KIRREL3: variants seen among roughly 807,000 people sequenced by gnomAD.
The protein encoded by KIRREL3 is kirre like nephrin family adhesion molecule 3, also known as kin of IRRE-like protein 3.
KIRREL3 carries 36 observed loss-of-function variants against 89.7 expected under a neutral mutation model. The ratio of observed to expected loss-of-function variants is 0.40; its 90% CI spans 0.31 to 0.53. The LOEUF is 0.53. Among genes scored for constraint, KIRREL3 ranks in the 20% least tolerant of loss-of-function variants. KIRREL3 has a pLI of 0.49. For missense variants in KIRREL3, 864 were observed against 1,056.6 expected (o/e 0.82, Z 2.53); for synonymous variants, 445 against 441.4 (o/e 1.01, Z -0.10).
At position 126,530,075 on chromosome 11, in the gene KIRREL3, C is replaced by T. The variant is rs562859146; in HGVS notation, c.134-3388G>A. Among the ~76,000 whole-genome samples the T allele has an allele frequency of 6.6e-6, 1 of 151,976 alleles. No individual in the cohort carries two copies. The highest frequency in any genetic ancestry group is 2.4e-5 in the African/African-American group (1 of 41,450). On this transcript the variant is annotated intron_variant, in intron 2 of 16. Transcript: ENST00000525144. The surrounding 1 kb of genome is among the most constrained non-coding windows in gnomAD (Gnocchi z 5.8). ...TGTAAGTTATTGCCAGAAGAATGCT[C>T]CTCACCCACCCACTCTTTCTTTTCT...
chr11:126,510,026 GA>G (rs1243459581), intron 4 of KIRREL3, among the ~76,000 whole-genome samples: 13 of 112,136 alleles, frequency 1.2e-4, no homozygotes, highest in African/African-American at 4.0e-4. Context: ...AAAGAAAAAA[GA>G]AAAAAAGAAA....
intron 1 of KIRREL3, among the ~76,000 whole-genome samples, chr11:126,759,393 G>C (rs1287282841): frequency 2.0e-5 from 3 of 152,212 alleles, no homozygotes; most frequent in Non-Finnish European, 4.4e-5. Flanking sequence ...CTCCCAAAGT[G>C]CTGGGATTAC....
chr11:126,585,881 G>A (rs1941824873), intron 1 of KIRREL3, among the ~76,000 whole-genome samples: 1 of 152,256 alleles, frequency 6.6e-6, no homozygotes, highest in South Asian at 2.1e-4. Flanking sequence ...CGTGATTGGA[G>A]TTGGGCTTCA....
intron 1 of KIRREL3, among the ~76,000 whole-genome samples, chr11:126,745,506 AAC>A (rs1427939143): frequency 6.7e-6 from 1 of 150,268 alleles, no homozygotes. Flanking sequence ...AAAAAAAAAA[AAC>A]AAAACCCAAA....
chr11:126,490,204 G>A lies in KIRREL3; in HGVS notation c.434-16738C>T, dbSNP rs1332580690. On this transcript the variant is annotated intron_variant, in intron 4 of 16. Transcript: ENST00000525144. The surrounding 1 kb of genome is among the most constrained non-coding windows in gnomAD (Gnocchi z 4.2). ...TGCATTTGGCTTTGGAATGCATTGT[G>A]TGTGTGTGTGTGTGTGTGTGTGTGT... is the stretch of plus-strand genomic sequence containing the variant. Among the ~76,000 whole-genome samples the A allele has an allele frequency of 2.8e-5, 1 of 35,574 alleles. No homozygotes were observed. Among genetic ancestry groups the A allele is most frequent in the African/African-American group, 6.0e-5 (1 of 16,556 alleles). The allele number at this position is 35,574 out of a possible 152,430, so 23.3% of individuals were successfully genotyped here. A position where few individuals can be genotyped will look rare whatever the true frequency, so the allele number is the denominator to read the frequency against.
At chr11:126,862,293 C>T (rs1944730815) in intron 1 of KIRREL3, among the ~76,000 whole-genome samples, 1 of 152,198 alleles carries the variant, frequency 6.6e-6, no homozygotes, top group South Asian at 2.1e-4. Flanking sequence ...CTCAGCCAGT[C>T]CCATTAAGAC....
intron 1 of KIRREL3, among the ~76,000 whole-genome samples, chr11:126,875,720 T>C (rs1438903886): frequency 2.6e-5 from 4 of 152,238 alleles, no homozygotes; most frequent in East Asian, 1.9e-4. Flanking sequence ...AAATTGTTCA[T>C]TGTTTTTCGA....
At chr11:126,730,098 AT>A (rs1292802901) in intron 1 of KIRREL3, among the ~76,000 whole-genome samples, 1 of 152,024 alleles carries the variant, frequency 6.6e-6, no homozygotes, top group Non-Finnish European at 1.5e-5. Context: ...CCTAGGTTCT[AT>A]CCCCAGCCGT....
At position 126,431,927 on chromosome 11, in the gene KIRREL3, T is replaced by C. The variant is rs552755452; in HGVS notation, c.1589-401A>G. On this transcript the variant is annotated intron_variant, in intron 13 of 16. Transcript: ENST00000525144. This position sits in a 1 kb window ranked among gnomAD's most constrained non-coding sequence, Gnocchi z 7.1. The stretch of plus-strand genomic sequence containing the variant: ...ACAGCGGCCAGTGAGTCATAGGCCC[T>C]GGCTTTTTTTGAAAAATGACTATGG... Among the ~76,000 whole-genome samples, 2 of 152,288 alleles carry C rather than the reference T, an allele frequency of 1.3e-5. No homozygotes were observed. Among genetic ancestry groups the C allele is most frequent in the African/African-American group, 4.8e-5 (2 of 41,560 alleles).
rs1259581066 is a variant in KIRREL3 at position 126,459,432 on chromosome 11, G to T, written c.743-2978C>A. On this transcript the variant is annotated intron_variant, in intron 6 of 16. Transcript: ENST00000525144. The surrounding 1 kb of genome is among the most constrained non-coding windows in gnomAD (Gnocchi z 4.8). ...ACCTGCCCCGAAGCGATTCACAAGG[G>T]TTCCACACTCACTGGCCATATCTGC... 6.6e-6 allele frequency among the ~76,000 whole-genome samples: 1 copy of T among 152,062 alleles called. No homozygotes were observed. The highest frequency in any genetic ancestry group is 1.5e-5 in the Non-Finnish European group (1 of 68,016).
At chr11:126,774,888 T>G (rs1950125394) in intron 1 of KIRREL3, among the ~76,000 whole-genome samples, 1 of 152,170 alleles carries the variant, frequency 6.6e-6, no homozygotes, top group Non-Finnish European at 1.5e-5. Context: ...TTTTTAAAGT[T>G]GCTGCTCCTG....
At chr11:126,497,305 C>A (rs766991050) in intron 4 of KIRREL3, among the ~76,000 whole-genome samples, 4 of 151,406 alleles carry the variant, frequency 2.6e-5, no homozygotes, top group Non-Finnish European at 5.9e-5. Context: ...AGAGAGAGAG[C>A]GAGAGAGAGT....
rs1949733473 is a variant in KIRREL3 at position 126,763,712 on chromosome 11, T to C, written c.56-200800A>G. Reference sequence around the variant, plus strand: ...AGTTCCCACGCTTTTGAGCCTTTGTTTTCTCACTTGTGAAATGGGGACAAT... The same window carrying C: ...AGTTCCCACGCTTTTGAGCCTTTGTCTTCTCACTTGTGAAATGGGGACAAT... On this transcript the variant is annotated intron_variant, in intron 1 of 16. Coordinates refer to ENST00000525144, the MANE Select transcript of KIRREL3 (RefSeq NM_032531.4). This position sits in a 1 kb window ranked among gnomAD's most constrained non-coding sequence, Gnocchi z 4.7. Among the ~76,000 whole-genome samples, 1 of 152,168 alleles carries C rather than the reference T, an allele frequency of 6.6e-6. No individual in the cohort carries two copies.
chr11:126,750,538 A>AACTGGGCTGGGCCAGGGTC lies in KIRREL3; in HGVS notation c.56-187645_56-187627dup, dbSNP rs1394485487. On this transcript the variant is annotated intron_variant, in intron 1 of 16. Transcript: ENST00000525144. The surrounding 1 kb of genome is among the most constrained non-coding windows in gnomAD (Gnocchi z 4.2). ...GTAGCAGCTAGGCTTTTCTTAGGGC[A>AACTGGGCTGGGCCAGGGTC]ACTGGGCTGGGCCAGGGTCACTAGC... is the stretch of plus-strand genomic sequence containing the variant. Among the ~76,000 whole-genome samples, 3 of 152,204 alleles carry AACTGGGCTGGGCCAGGGTC rather than the reference A, an allele frequency of 2.0e-5. No individual in the cohort carries two copies. Among genetic ancestry groups the AACTGGGCTGGGCCAGGGTC allele is most frequent in the African/African-American group, 7.2e-5 (3 of 41,456 alleles).
At chr11:126,458,891 AC>A (rs1476016723) in intron 6 of KIRREL3, among the ~76,000 whole-genome samples, 1 of 152,100 alleles carries the variant, frequency 6.6e-6, no homozygotes, top group African/African-American at 2.4e-5. Flanking sequence ...TCGAAGCTGC[AC>A]CCTAGCTTCC....
Position 126,965,709 on chromosome 11 carries a change from T to C in KIRREL3, c.55+34746A>G, listed in dbSNP as rs1234440469. Among the ~76,000 whole-genome samples, 1 of 152,236 alleles carries C rather than the reference T, an allele frequency of 6.6e-6. No homozygotes were observed. The highest frequency in any genetic ancestry group is 6.5e-5 in the Admixed American group (1 of 15,274). On this transcript the variant is annotated intron_variant, in intron 1 of 16. Transcript: ENST00000525144. The surrounding 1 kb of genome is among the most constrained non-coding windows in gnomAD (Gnocchi z 4.4). ...AGAAGATCAATAAATATTATTTCCT[T>C]CTGACTTTGGAGTGCGTTATTTTCC...
rs1945584895 is a variant in KIRREL3, at chr11:126,883,530, C to A, written c.55+116925G>T. Among the ~76,000 whole-genome samples, 1 of 152,104 alleles carries A rather than the reference C, an allele frequency of 6.6e-6. No individual in the cohort carries two copies. The highest frequency in any genetic ancestry group is 6.5e-5 in the Admixed American group (1 of 15,274). On this transcript the variant is annotated intron_variant, in intron 1 of 16. Transcript: ENST00000525144. The surrounding 1 kb of genome is among the most constrained non-coding windows in gnomAD (Gnocchi z 4.1). ...AACGTCCTTAACTCATCTTCTCCAC[C>A]TGGAAAAAATCCAAACCTTTGATGA...
chr11:126,848,245 T>C (rs1944214749), intron 1 of KIRREL3, among the ~76,000 whole-genome samples: 1 of 152,200 alleles, frequency 6.6e-6, no homozygotes, highest in Non-Finnish European at 1.5e-5. Context: ...CAAAGCCAAT[T>C]TTAAAAGCCT....
rs2134229738 is a variant in KIRREL3 at position 126,455,245 on chromosome 11, C to T, written c.848+1104G>A. Among the ~76,000 whole-genome samples, 1 of 152,310 alleles carries T rather than the reference C, an allele frequency of 6.6e-6. No homozygotes were observed. Among genetic ancestry groups the T allele is most frequent in the African/African-American group, 2.4e-5 (1 of 41,578 alleles). On this transcript the variant is annotated intron_variant, in intron 7 of 16. Transcript: ENST00000525144. The surrounding 1 kb of genome is among the most constrained non-coding windows in gnomAD (Gnocchi z 6.4). Reference sequence around the variant, plus strand: ...GGGCCATGGCAAGTTCCACGTGGCACCCAAAAGGAGGTGAGTCTGCCCTTG... The same window carrying T: ...GGGCCATGGCAAGTTCCACGTGGCATCCAAAAGGAGGTGAGTCTGCCCTTG...
Sources: gnomAD v4.1 joint callset for allele counts (sites outside exome capture counted in the v4.1 genomes callset) on GRCh38, gnomAD v4.1.1 for gene constraint, Gnocchi (gnomAD v3.1) non-coding constraint, MANE v1.5 for transcripts, NCBI Gene and HGNC (gene_info 2026-07-23, HGNC 2026-07-21) for gene names.